The following PCDHGA11 variants were observed in gnomAD, a reference collection of about 807,000 sequenced individuals.
PCDHGA11 encodes protocadherin gamma-A11.
A neutral mutation model predicts 60.4 loss-of-function variants in PCDHGA11; 39 were observed. That is an observed-to-expected ratio of 0.65 (90% CI 0.50 to 0.84). The LOEUF (loss-of-function observed/expected upper bound fraction) is 0.84, where lower values mean the gene tolerates loss of function less well. PCDHGA11 is among the 40% of genes least tolerant of loss of function. The probability of loss-of-function intolerance (pLI) is 0.00; values close to 1 mark genes in which losing one functional copy is unlikely to be tolerated. For synonymous variants in PCDHGA11, 533 were observed against 510.3 expected, an observed-to-expected ratio of 1.04 and a Z score of -0.60; for missense variants, 1,165 against 1,197.7, an observed-to-expected ratio of 0.97 and a Z score of 0.40.
chr5:141,490,419 G>T lies in PCDHGA11; in HGVS notation c.2434-4388G>T, dbSNP rs1424302713. ...TGAGCCTTGATATCTCTCCGGACCT[G>T]CCATTTCAGATTAAGCCTTCTGAGA... is the stretch of plus-strand genomic sequence containing the variant. On this transcript the variant is annotated intron_variant, in intron 1 of 3. Transcript: ENST00000398587. The surrounding 1 kb of genome is among the most constrained non-coding windows in gnomAD (Gnocchi z 5.4). The T allele has an allele frequency of 6.2e-7, 1 of 1,614,170 alleles. No homozygotes were observed. The highest frequency in any genetic ancestry group is 8.5e-7 in the Non-Finnish European group (1 of 1,180,020).
At chr5:141,425,353 T>C (rs868017955) in intron 1 of PCDHGA11, among the ~76,000 whole-genome samples, 2 of 152,296 alleles carry the variant, frequency 1.3e-5, no homozygotes, top group Middle Eastern at 3.4e-3. Context: ...CTTTGAAATG[T>C]GATATTAAGA....
Position 141,511,590 on chromosome 5 carries a change from A to C in PCDHGA11, c.*417A>C, listed in dbSNP as rs2099883868. On this transcript the variant is annotated 3_prime_UTR_variant, in exon 4 of 4. Transcript: ENST00000398587. ...AGTAAGGTGGTTGGGGTGTTGAAGT[A>C]CCAAGTAACCTACAAGCCTCCTAGT... The C allele has an allele frequency of 3.7e-6, 1 of 267,790 alleles. No homozygotes were observed. Among genetic ancestry groups the C allele is most frequent in the Admixed American group, 4.8e-5 (1 of 20,946 alleles). The allele number at this position is 267,790 out of a possible 1,614,324, so 16.6% of individuals were successfully genotyped here.
rs560197175 is a variant in PCDHGA11, at chr5:141,434,430, G to A, written c.2433+10770G>A. Among the ~76,000 whole-genome samples the A allele has an allele frequency of 2.4e-4, 36 of 152,326 alleles. 1 individual carries two copies. In the South Asian group the frequency reaches 6.4e-3, roughly 27 times the overall value. On this transcript the variant is annotated intron_variant, in intron 1 of 3. Coordinates refer to ENST00000398587, the MANE Select transcript of PCDHGA11 (RefSeq NM_018914.3). ...GCACTGTGACATGTTCATGATGGCC[G>A]TAATGCCCATGCTGGAAGGTAGTGG...
intron 1 of PCDHGA11, 95 bp downstream of exon 1, chr5:141,423,755 G>GGT (rs1554116817): frequency 5.9e-6 from 3 of 512,508 alleles, no homozygotes; most frequent in Non-Finnish European, 7.8e-6. Context: ...CTGTTTGGGG[G>GGT]GGGGGTGGGG....
intron 1 of PCDHGA11, among the ~76,000 whole-genome samples, chr5:141,456,859 A>C (rs2098893194): frequency 6.6e-6 from 1 of 152,152 alleles, no homozygotes; most frequent in Admixed American, 6.6e-5. Context: ...GCTAATTGGG[A>C]GGCTGAGGCA....
At chr5:141,456,635 A>G (rs558958846) in intron 1 of PCDHGA11, among the ~76,000 whole-genome samples, 17 of 152,194 alleles carry the variant, frequency 1.1e-4, no homozygotes, top group Non-Finnish European at 2.2e-4. Context: ...CTTCTTTACT[A>G]CAGGTGTTAA....
rs758172004 is a variant in PCDHGA11, at chr5:141,477,909, C to T, written c.2434-16898C>T. On this transcript the variant is annotated intron_variant, in intron 1 of 3. Transcript: ENST00000398587. This position sits in a 1 kb window ranked among gnomAD's most constrained non-coding sequence, Gnocchi z 4.9. ...GTGTCACGGGTGGTAGGCTGGGACGCGGATGCAGGGCACAATGCCTGGCTC... is the reference window on the plus strand; with the variant it reads ...GTGTCACGGGTGGTAGGCTGGGACGTGGATGCAGGGCACAATGCCTGGCTC... 2 of 1,614,166 alleles carry T rather than the reference C, an allele frequency of 1.2e-6. No individual in the cohort carries two copies. Among genetic ancestry groups the T allele is most frequent in the Admixed American group, 1.7e-5 (1 of 60,016 alleles).
Position 141,430,867 on chromosome 5 carries a change from G to T in PCDHGA11, c.2433+7207G>T, listed in dbSNP as rs1157718106. ...GCACCCAGATACGCTATTCAGTTCC[G>T]GAAGAGCTGGAGAAAGGCTCTAGGG... On this transcript the variant is annotated intron_variant, in intron 1 of 3. Coordinates refer to ENST00000398587, the MANE Select transcript of PCDHGA11 (RefSeq NM_018914.3). 2.5e-6 allele frequency: 4 copies of T among 1,596,238 alleles called. No individual in the cohort carries two copies. In the East Asian group the frequency reaches 8.9e-5, roughly 36 times the overall value.
Position 141,476,036 on chromosome 5 carries a change from A to T in PCDHGA11, c.2434-18771A>T. ...ATGTCGGACTCGGCGCCCAGCGCCC[A>T]AGCGCTAACCCGCTGAAAGTTTCTC... On this transcript the variant is annotated intron_variant, in intron 1 of 3. Coordinates refer to ENST00000398587, the MANE Select transcript of PCDHGA11 (RefSeq NM_018914.3). This position sits in a 1 kb window ranked among gnomAD's most constrained non-coding sequence, Gnocchi z 7.6. 1.4e-6 allele frequency: 2 copies of T among 1,471,164 alleles called. No individual in the cohort carries two copies. The highest frequency in any genetic ancestry group is 1.8e-6 in the Non-Finnish European group (2 of 1,106,602). 91.1% of individuals were successfully genotyped at this position (1,471,164 alleles called of 1,614,324 possible).
chr5:141,429,547 A>C (rs2097222392), intron 1 of PCDHGA11, among the ~76,000 whole-genome samples: 1 of 152,196 alleles, frequency 6.6e-6, no homozygotes, highest in Non-Finnish European at 1.5e-5. Flanking sequence ...AGAACATGGT[A>C]ATGATTTGAT....
Position 141,477,203 on chromosome 5 carries a change from G to A in PCDHGA11, c.2434-17604G>A. The A allele has an allele frequency of 6.2e-7, 1 of 1,614,176 alleles. No individual in the cohort carries two copies. The highest frequency in any genetic ancestry group is 8.5e-7 in the Non-Finnish European group (1 of 1,180,050). ...CACCTCCGTGTACAGCCCAGTACCC[G>A]AGGATGCCCCTCTGGGGACTGTCAT... On this transcript the variant is annotated intron_variant, in intron 1 of 3. Coordinates refer to ENST00000398587, the MANE Select transcript of PCDHGA11 (RefSeq NM_018914.3). This position sits in a 1 kb window ranked among gnomAD's most constrained non-coding sequence, Gnocchi z 4.9.
At chr5:141,442,974 A>C (rs1444888648) in intron 1 of PCDHGA11, among the ~76,000 whole-genome samples, 1 of 152,176 alleles carries the variant, frequency 6.6e-6, no homozygotes, top group Non-Finnish European at 1.5e-5. Flanking sequence ...CTGGCTGATA[A>C]AGTTAGCCTA....
At position 141,431,493 on chromosome 5, in the gene PCDHGA11, C is replaced by G. The variant is rs1281626711; in HGVS notation, c.2433+7833C>G. On this transcript the variant is annotated intron_variant, in intron 1 of 3. Transcript: ENST00000398587. The surrounding 1 kb of genome is among the most constrained non-coding windows in gnomAD (Gnocchi z 4.8). ...GACAACGCACCAGCGTTTGCTCAGC[C>G]CGAGTACCGCGCGAGCGTTCCGGAG... 1 of 1,613,994 alleles carries G rather than the reference C, an allele frequency of 6.2e-7. No individual in the cohort carries two copies. The highest frequency in any genetic ancestry group is 8.5e-7 in the Non-Finnish European group (1 of 1,180,042).
In PCDHGA11 at chr5:141,489,750, C is replaced by T. The variant is rs753217170; in HGVS notation, c.2434-5057C>T. On this transcript the variant is annotated intron_variant, in intron 1 of 3. Coordinates refer to ENST00000398587, the MANE Select transcript of PCDHGA11 (RefSeq NM_018914.3). The surrounding 1 kb of genome is among the most constrained non-coding windows in gnomAD (Gnocchi z 4.5). ...TGGGCACCAATACTGTGAGCTTTTA[C>T]ACTCTAAGCCCCAACAGCCACTTCT... 1.2e-6 allele frequency: 2 copies of T among 1,614,098 alleles called. No homozygotes were observed. Among genetic ancestry groups the T allele is most frequent in the Admixed American group, 3.3e-5 (2 of 60,022 alleles).
At chr5:141,475,813 T>C in intron 1 of PCDHGA11, 1 of 334,788 alleles carries the variant, frequency 3.0e-6, no homozygotes, top group East Asian at 5.5e-5. Flanking sequence ...GAAAGTGAAG[T>C]TCCTGGCGCT....
At chr5:141,480,085 A>G (rs2099512286) in intron 1 of PCDHGA11, among the ~76,000 whole-genome samples, 1 of 152,216 alleles carries the variant, frequency 6.6e-6, no homozygotes, top group Admixed American at 6.5e-5. Context: ...TGCATGATAT[A>G]ATGTATGCAA....
At chr5:141,474,803 T>C (rs1383027398) in intron 1 of PCDHGA11, among the ~76,000 whole-genome samples, 1 of 152,250 alleles carries the variant, frequency 6.6e-6, no homozygotes, top group Non-Finnish European at 1.5e-5. Context: ...ATGGAGTGGT[T>C]TGCATCATTA....
Position 141,422,797 on chromosome 5 carries a change from G to A in PCDHGA11, c.1570G>A (p.Glu524Lys), listed in dbSNP as rs1037091316. 2.5e-6 allele frequency: 4 copies of A among 1,614,244 alleles called. No homozygotes were observed. The highest frequency in any genetic ancestry group is 3.4e-6 in the Non-Finnish European group (4 of 1,180,052). The change falls in exon 1 of 4, where the codon GAG becomes AAG. Residue 524 changes from glutamate (E) to lysine (K), a missense_variant. Coordinates refer to ENST00000398587, the MANE Select transcript of PCDHGA11 (RefSeq NM_018914.3). ...CTATGCCCTACAATCCTTCGACTAT[G>A]AGCAGTTTCGAGACTTAGAACTGAG... ...VLYALQSFDY[E>K]QFRDLELRVI...
At chr5:141,507,121 G>A (rs940889204) in intron 3 of PCDHGA11, 1 of 152,126 alleles carries the variant, frequency 6.6e-6, no homozygotes, top group African/African-American at 2.4e-5. Flanking sequence ...GGCTGCCTTT[G>A]GATCCAGCCT....
Sources: allele counts gnomAD v4.1 joint callset (sites outside exome capture counted in the v4.1 genomes callset), GRCh38; gene constraint gnomAD v4.1.1; non-coding constraint Gnocchi (gnomAD v3.1); transcripts MANE v1.5; gene names NCBI Gene and HGNC (gene_info 2026-07-23, HGNC 2026-07-21).